Variants in DGKB observed in about 807,000 individuals in gnomAD.
DGKB encodes diacylglycerol kinase beta, also known as 90 kDa diacylglycerol kinase.
DGKB carries 67 observed loss-of-function variants against 114.3 expected under a neutral mutation model. The ratio of observed to expected loss-of-function variants is 0.59; its 90% CI spans 0.48 to 0.72. The LOEUF (loss-of-function observed/expected upper bound fraction) is 0.72. Among genes scored for constraint, DGKB ranks in the 30% least tolerant of loss-of-function variants. The pLI is 0.00. For synonymous variants in DGKB, 398 were observed against 323.1 expected (o/e 1.23, Z -2.49); for missense variants, 907 against 975.2 (o/e 0.93, Z 0.93).
intron 21 of DGKB, among the ~76,000 whole-genome samples, chr7:14,366,147 G>C (rs1816640231): frequency 6.6e-6 from 1 of 152,040 alleles, no homozygotes; most frequent in Admixed American, 6.6e-5. Flanking sequence ...GATGTAGACT[G>C]TTTTTTATTT....
chr7:14,199,838 A>G (rs1230427813), intron 23 of DGKB, among the ~76,000 whole-genome samples: 52 of 152,106 alleles, frequency 3.4e-4, no homozygotes, highest in Admixed American at 3.4e-3. Context: ...CTGGATAACA[A>G]TATTGCAAAG....
intron 1 of DGKB, among the ~76,000 whole-genome samples, chr7:14,899,119 C>G (rs913303553): frequency 6.6e-6 from 1 of 152,144 alleles, no homozygotes; most frequent in African/African-American, 2.4e-5. Context: ...TGACAGTAAT[C>G]ATGTTAGTCT....
chr7:14,451,006 C>T lies in DGKB; in HGVS notation c.1835+27155G>A, dbSNP rs1439746051. Among the ~76,000 whole-genome samples the T allele has an allele frequency of 1.1e-4, 16 of 152,094 alleles. No individual in the cohort carries two copies. The East Asian group carries it at 2.1e-3, about 20-fold the overall frequency. On this transcript the variant is annotated intron_variant, in intron 21 of 25. Coordinates refer to ENST00000402815, the MANE Select transcript of DGKB (RefSeq NM_001350709.2). ...CAAAATATCAGATGGGTCTCCACAG[C>T]GGATACCAGTGTAAGATGCCCAGAG...
intron 2 of DGKB, among the ~76,000 whole-genome samples, chr7:14,761,205 G>A (rs928281353): frequency 1.3e-5 from 2 of 152,000 alleles, no homozygotes; most frequent in Admixed American, 1.3e-4. Flanking sequence ...CATTTCTTGG[G>A]CCCAGTTTCT....
At chr7:14,572,461 GA>G (rs144971909) in intron 20 of DGKB, among the ~76,000 whole-genome samples, 9 of 140,156 alleles carry the variant, frequency 6.4e-5, no homozygotes, top group South Asian at 2.2e-4. Flanking sequence ...CAAAAAAAAA[GA>G]AAAAAAAAAG....
At chr7:14,602,561 C>T (rs766829386) in intron 17 of DGKB, among the ~76,000 whole-genome samples, 1 of 152,140 alleles carries the variant, frequency 6.6e-6, no homozygotes, top group Non-Finnish European at 1.5e-5. Flanking sequence ...CTTGAGGAAA[C>T]CAGCCAGCTG....
chr7:14,886,788 C>T (rs896691580), intron 1 of DGKB, among the ~76,000 whole-genome samples: 1 of 151,836 alleles, frequency 6.6e-6, no homozygotes, highest in Admixed American at 6.6e-5. Context: ...ATAAATTATG[C>T]TGTCCACATA....
intron 5 of DGKB, among the ~76,000 whole-genome samples, chr7:14,725,085 C>A (rs1829819018): frequency 6.6e-6 from 1 of 152,180 alleles, no homozygotes; most frequent in African/African-American, 2.4e-5. Context: ...GCAAGAGGAT[C>A]ACTTGAGCCC....
intron 7 of DGKB, among the ~76,000 whole-genome samples, chr7:14,700,729 T>A (rs1009935424): frequency 3.3e-5 from 5 of 152,184 alleles, no homozygotes; most frequent in Non-Finnish European, 7.4e-5. Flanking sequence ...TAGGGTGGTC[T>A]ATCAGATGAC....
At chr7:14,409,233 C>G (rs1824445299) in intron 21 of DGKB, among the ~76,000 whole-genome samples, 1 of 152,054 alleles carries the variant, frequency 6.6e-6, no homozygotes, top group Non-Finnish European at 1.5e-5. Context: ...CCCGAGGGAG[C>G]AGTTCCTTTC....
chr7:14,933,542 T>A (rs774231382), intron 1 of DGKB, among the ~76,000 whole-genome samples: 1 of 152,210 alleles, frequency 6.6e-6, no homozygotes, highest in Non-Finnish European at 1.5e-5. Context: ...ATTATTGTTG[T>A]GCTAATTGCA....
intron 20 of DGKB, among the ~76,000 whole-genome samples, chr7:14,554,687 T>C (rs1211921812): frequency 6.6e-6 from 1 of 152,172 alleles, no homozygotes; most frequent in African/African-American, 2.4e-5. Flanking sequence ...TCATACTTAC[T>C]GATTTATTGA....
At chr7:14,326,892 TACACATGCAAACAC>T (rs1808835063) in intron 23 of DGKB, among the ~76,000 whole-genome samples, 1 of 152,026 alleles carries the variant, frequency 6.6e-6, no homozygotes. Context: ...ACCAATTAAG[TACACATGCAAACAC>T]ACACATGCAC....
intron 23 of DGKB, among the ~76,000 whole-genome samples, chr7:14,235,799 A>G (rs1373503498): frequency 6.6e-6 from 1 of 152,060 alleles, no homozygotes; most frequent in East Asian, 1.9e-4. Flanking sequence ...CAATGTATTG[A>G]TGTTTAGCTC....
At chr7:14,152,245 A>G (rs1043207512) in intron 25 of DGKB, among the ~76,000 whole-genome samples, 1 of 152,084 alleles carries the variant, frequency 6.6e-6, no homozygotes. Context: ...GCCTCCTTCT[A>G]TTAAGCGTCA....
rs76030513 is a variant in DGKB at position 14,696,005 on chromosome 7, T to C, written c.592-1811A>G. On this transcript the variant is annotated intron_variant, in intron 8 of 25. Coordinates refer to ENST00000402815, the MANE Select transcript of DGKB (RefSeq NM_001350709.2). ...GTAACACACATGTCAAATAATGCTA[T>C]AGTTTATTACTTGTATTCTCCATTC... 4.6e-5 allele frequency among the ~76,000 whole-genome samples: 7 copies of C among 152,304 alleles called. No individual in the cohort carries two copies. In the East Asian group the frequency reaches 1.4e-3, roughly 29 times the overall value.
chr7:14,178,616 G>A (rs1027451848), intron 23 of DGKB, among the ~76,000 whole-genome samples: 1 of 152,108 alleles, frequency 6.6e-6, no homozygotes, highest in African/African-American at 2.4e-5. Context: ...TCATGGAGTT[G>A]GAGCTTCTCA....
chr7:14,662,026 A>T (rs925640610), intron 13 of DGKB, among the ~76,000 whole-genome samples: 25 of 152,178 alleles, frequency 1.6e-4, no homozygotes, highest in African/African-American at 6.0e-4. Context: ...GGACACAGGA[A>T]GGGGAACATC....
chr7:14,795,399 T>G (rs775755560), intron 2 of DGKB, among the ~76,000 whole-genome samples: 1 of 152,170 alleles, frequency 6.6e-6, no homozygotes, highest in South Asian at 2.1e-4. Flanking sequence ...TATTGCAATG[T>G]AGAAGAAATA....
Sources: allele counts gnomAD v4.1 joint callset (sites outside exome capture counted in the v4.1 genomes callset), GRCh38; gene constraint gnomAD v4.1.1; transcripts MANE v1.5; gene names NCBI Gene and HGNC (gene_info 2026-07-23, HGNC 2026-07-21).